CADM2: variants seen among roughly 807,000 people sequenced by gnomAD.
CADM2 encodes the protein cell adhesion molecule 2, also known as immunoglobulin superfamily member 4D.
CADM2 carries 12 observed loss-of-function variants against 49.8 expected under a neutral mutation model. The observed-to-expected ratio is 0.24, with a 90% CI of 0.15 to 0.39. The LOEUF (loss-of-function observed/expected upper bound fraction) is 0.39, where lower values mean the gene tolerates loss of function less well. Ranked by LOEUF, CADM2 falls within the 10% of genes least tolerant of loss-of-function variation. The pLI, the probability that CADM2 is intolerant of heterozygous loss-of-function variation, is 1.00. For synonymous variants in CADM2, 214 were observed against 175.4 expected, an observed-to-expected ratio of 1.22 and a Z score of -1.74; for missense variants, 378 against 492.3, an observed-to-expected ratio of 0.77 and a Z score of 2.20.
At chr3:85,016,282 A>G (rs149858394) in intron 1 of CADM2, among the ~76,000 whole-genome samples, 4 of 152,308 alleles carry the variant, frequency 2.6e-5, no homozygotes, top group Non-Finnish European at 5.9e-5. Context: ...CTAATAATAT[A>G]AATCAATATT....
intron 1 of CADM2, among the ~76,000 whole-genome samples, chr3:85,255,303 T>G (rs1478791216): frequency 6.6e-6 from 1 of 152,004 alleles, no homozygotes; most frequent in Non-Finnish European, 1.5e-5. Flanking sequence ...CCCAAGGATA[T>G]CTTTAAATAC....
chr3:85,017,685 C>T (rs1576042638), intron 1 of CADM2, among the ~76,000 whole-genome samples: 1 of 152,104 alleles, frequency 6.6e-6, no homozygotes, highest in South Asian at 2.1e-4. Context: ...TTATTATTGC[C>T]TCTATAGCTA....
At chr3:85,419,140 T>C (rs1040634649) in intron 1 of CADM2, among the ~76,000 whole-genome samples, 5 of 152,108 alleles carry the variant, frequency 3.3e-5, no homozygotes, top group Admixed American at 6.5e-5. Flanking sequence ...TTGCACAACA[T>C]TGACCACATT....
chr3:85,353,508 A>ATTT (rs754196596), intron 1 of CADM2, among the ~76,000 whole-genome samples: 1 of 141,176 alleles, frequency 7.1e-6, no homozygotes. Context: ...TATTAATTAT[A>ATTT]TTTTTTCTGT....
chr3:85,832,248 T>C (rs1367865240), intron 3 of CADM2, among the ~76,000 whole-genome samples: 1 of 152,042 alleles, frequency 6.6e-6, no homozygotes, highest in African/African-American at 2.4e-5. Context: ...AGTCAGGTGA[T>C]GTGACAAATC....
At chr3:85,087,996 C>T (rs986909703) in intron 1 of CADM2, among the ~76,000 whole-genome samples, 11 of 152,100 alleles carry the variant, frequency 7.2e-5, no homozygotes, top group Non-Finnish European at 1.2e-4. Flanking sequence ...CTCTGCACAC[C>T]ATGGTGTTCA....
At chr3:85,681,467 C>T (rs945001830) in intron 1 of CADM2, among the ~76,000 whole-genome samples, 1 of 151,990 alleles carries the variant, frequency 6.6e-6, no homozygotes, top group African/African-American at 2.4e-5. Context: ...TATTGAATTG[C>T]AGTGCAGTTA....
chr3:85,907,943 C>T (rs1376000181), intron 5 of CADM2, among the ~76,000 whole-genome samples: 1 of 151,310 alleles, frequency 6.6e-6, no homozygotes, highest in Non-Finnish European at 1.5e-5. Flanking sequence ...TCTTCTTTTC[C>T]AGTCTGTCTA....
At chr3:85,461,650 G>T (rs2038250282) in intron 1 of CADM2, among the ~76,000 whole-genome samples, 1 of 104,792 alleles carries the variant, frequency 9.5e-6, no homozygotes, top group Admixed American at 1.1e-4. Context: ...CTGCCTTTCA[G>T]CTGGGCTTTA....
In CADM2 at chr3:85,347,807, G is replaced by GTT. The variant is rs143346387; in HGVS notation, c.62-378710_62-378709dup. On this transcript the variant is annotated intron_variant, in intron 1 of 9. Coordinates refer to ENST00000383699, the MANE Select transcript of CADM2 (RefSeq NM_001167675.2). ...CAGGCATGAGCCATCACATCCGCCA[G>GTT]TTTTTTGTTTTTTTTTTTAAGATGG... is the stretch of plus-strand genomic sequence containing the variant. Among the ~76,000 whole-genome samples the GTT allele has an allele frequency of 1.0e-3, 107 of 103,228 alleles. 2 individuals carry two copies. Among genetic ancestry groups the GTT allele is most frequent in the African/African-American group, 3.1e-3 (100 of 32,774 alleles). The allele number at this position is 103,228 out of a possible 152,430, so 67.7% of individuals were successfully genotyped here. A position where few individuals can be genotyped will look rare whatever the true frequency, so the allele number is the denominator to read the frequency against.
intron 8 of CADM2, among the ~76,000 whole-genome samples, chr3:85,994,997 A>T (rs1729193560): frequency 8.9e-6 from 1 of 112,230 alleles, no homozygotes; most frequent in Non-Finnish European, 1.8e-5. Context: ...CAGGGTTGCC[A>T]CAAATCTTCG....
chr3:85,357,172 T>C (rs1303368078), intron 1 of CADM2, among the ~76,000 whole-genome samples: 4 of 152,174 alleles, frequency 2.6e-5, no homozygotes, highest in African/African-American at 9.7e-5. Flanking sequence ...TAGTCCTTTA[T>C]TGGCTTAACT....
At chr3:85,596,122 G>T (rs891224437) in intron 1 of CADM2, among the ~76,000 whole-genome samples, 8 of 151,372 alleles carry the variant, frequency 5.3e-5, no homozygotes, top group Non-Finnish European at 7.4e-5. Context: ...TATGTATTAT[G>T]CATTCTTGGC....
chr3:85,289,968 C>G (rs1437823559), intron 1 of CADM2, among the ~76,000 whole-genome samples: 1 of 152,294 alleles, frequency 6.6e-6, no homozygotes, highest in Admixed American at 6.5e-5. Context: ...CAGCTCCAGT[C>G]TACAGCTACC....
chr3:85,860,860 A>T (rs2075503182), intron 3 of CADM2, among the ~76,000 whole-genome samples: 1 of 152,110 alleles, frequency 6.6e-6, no homozygotes, highest in African/African-American at 2.4e-5. Context: ...GATTTTGTGG[A>T]TTATCAGGGG....
In CADM2 at chr3:86,060,855, G is replaced by A. The variant is rs985680058; in HGVS notation, c.971-4750G>A. Among the ~76,000 whole-genome samples, 21 of 152,074 alleles carry A rather than the reference G, an allele frequency of 1.4e-4. No homozygotes were observed. The East Asian group carries it at 2.9e-3, about 21-fold the overall frequency. On this transcript the variant is annotated intron_variant, in intron 8 of 9. Coordinates refer to ENST00000383699, the MANE Select transcript of CADM2 (RefSeq NM_001167675.2). ...AAATTAGCCGGGCGTGGTGGTGCAC[G>A]TCTGTAGTCCCAGCTGCTCAGGAGG...
At chr3:84,960,447 A>G (rs1293002825) in intron 1 of CADM2, 2 of 152,162 alleles carry the variant, frequency 1.3e-5, no homozygotes, top group Admixed American at 1.3e-4. Flanking sequence ...CACTTTATCA[A>G]CACATTGACT....
chr3:84,988,052 T>C (rs2032680383), intron 1 of CADM2, among the ~76,000 whole-genome samples: 1 of 152,052 alleles, frequency 6.6e-6, no homozygotes, highest in Non-Finnish European at 1.5e-5. Flanking sequence ...CAAAACAAAA[T>C]GGGAACACTT....
At chr3:85,242,486 A>G (rs942795413) in intron 1 of CADM2, among the ~76,000 whole-genome samples, 3 of 151,684 alleles carry the variant, frequency 2.0e-5, no homozygotes, top group Non-Finnish European at 4.4e-5. Flanking sequence ...ACCATATATT[A>G]TCACATATCT....
Sources: allele counts gnomAD v4.1 joint callset (sites outside exome capture counted in the v4.1 genomes callset), GRCh38; gene constraint gnomAD v4.1.1; transcripts MANE v1.5; gene names NCBI Gene and HGNC (gene_info 2026-07-23, HGNC 2026-07-21).